Variants in SLC25A48 observed in about 807,000 individuals in gnomAD.
SLC25A48 encodes the protein CTC-321K16.1.
A neutral mutation model predicts 32.2 loss-of-function variants in SLC25A48; 29 were observed. The ratio of observed to expected loss-of-function variants is 0.90; its 90% CI spans 0.67 to 1.23. The LOEUF (loss-of-function observed/expected upper bound fraction) is 1.23. SLC25A48 is among the 50% of genes most tolerant of loss of function. The probability of loss-of-function intolerance (pLI) is 0.00; values close to 1 mark genes in which losing one functional copy is unlikely to be tolerated. For synonymous variants in SLC25A48, 164 were observed against 172.3 expected (o/e 0.95, Z 0.38); for missense variants, 399 against 422.7 (o/e 0.94, Z 0.49).
chr5:135,883,807 A>G (rs1247607813), intron 7 of SLC25A48, among the ~76,000 whole-genome samples: 1 of 152,182 alleles, frequency 6.6e-6, no homozygotes, highest in African/African-American at 2.4e-5. Flanking sequence ...GAACAAAACA[A>G]AACAAAACAC....
chr5:135,838,208 G>C lies in SLC25A48; in HGVS notation c.46+3315G>C, dbSNP rs185336935. Among the ~76,000 whole-genome samples, 282 of 152,326 alleles carry C rather than the reference G, an allele frequency of 1.9e-3. 2 individuals carry two copies. Among genetic ancestry groups the C allele is most frequent in the African/African-American group, 6.5e-3 (271 of 41,560 alleles). On this transcript the variant is annotated intron_variant, in intron 1 of 7. Transcript: ENST00000681962. The stretch of plus-strand genomic sequence containing the variant: ...TAGAGATCTGTGGAACTTTGAACTT[G>C]AGAGAGATGTTTTAGGGTATCTGGT...
chr5:135,734,834 A>AAG (rs891130018), intron 3 of SLC25A48, among the ~76,000 whole-genome samples: 1 of 140,902 alleles, frequency 7.1e-6, no homozygotes, highest in Non-Finnish European at 1.5e-5. Flanking sequence ...AAAAAAAAAA[A>AAG]AAGAAGAAGA....
At chr5:135,806,878 C>T (rs1434132719) in intron 3 of SLC25A48, among the ~76,000 whole-genome samples, 1 of 149,890 alleles carries the variant, frequency 6.7e-6, no homozygotes, top group East Asian at 2.0e-4. Flanking sequence ...AATAATATCA[C>T]AGTGTGTTAA....
At position 135,690,665 on chromosome 5, in the gene SLC25A48, G is replaced by GC. The variant is rs201909150; in HGVS notation, c.-521+55713dup. On this transcript the variant is annotated intron_variant, in intron 3 of 10. Coordinates refer to the SLC25A48 transcript ENST00000646290. ...ACACCTGCTCATTAACAGGCCACCC[G>GC]CCCCTCCCCATGAGAGGTGTCTGGT... is the stretch of plus-strand genomic sequence containing the variant. 6.0e-3 allele frequency among the ~76,000 whole-genome samples: 911 copies of GC among 152,202 alleles called. 10 individuals are homozygous for GC. Among genetic ancestry groups the GC allele is most frequent in the African/African-American group, 0.02 (832 of 41,540 alleles).
Position 135,834,768 on chromosome 5 carries a change from G to C in SLC25A48, c.-80G>C. On this transcript the variant is annotated 5_prime_UTR_variant, in exon 1 of 8. Coordinates refer to ENST00000681962, the MANE Select transcript of SLC25A48 (RefSeq NM_001349336.2). ...GACTCCGACTTCGGTCTTGCGGCGC[G>C]CTCGCGCCCGCGGGCCATGCCCCAC... 2.1e-6 allele frequency: 3 copies of C among 1,440,346 alleles called. No individual in the cohort carries two copies. Among genetic ancestry groups the C allele is most frequent in the Non-Finnish European group, 1.9e-6 (2 of 1,078,722 alleles). 89.2% of individuals were successfully genotyped at this position (1,440,346 alleles called of 1,614,324 possible).
chr5:135,765,327 G>A (rs899988626), intron 3 of SLC25A48, among the ~76,000 whole-genome samples: 3 of 151,076 alleles, frequency 2.0e-5, no homozygotes, highest in Non-Finnish European at 4.4e-5. Flanking sequence ...TATCGTGGGG[G>A]GTGTGATATG....
At chr5:135,869,581 C>G (rs1403487847) in intron 4 of SLC25A48, among the ~76,000 whole-genome samples, 3 of 152,350 alleles carry the variant, frequency 2.0e-5, no homozygotes, top group Non-Finnish European at 4.4e-5. Context: ...AAAACCTTGA[C>G]TCCTGGGTCA....
chr5:135,879,912 T>C, intron 6 of SLC25A48, 56 bp from the exon 7 acceptor site: 1 of 1,521,076 alleles, frequency 6.6e-7, no homozygotes, highest in Non-Finnish European at 8.8e-7. Flanking sequence ...CCCTCCTTGG[T>C]GGCCCTGCAG....
At chr5:135,883,308 C>T in intron 7 of SLC25A48, 2 of 985,508 alleles carry the variant, frequency 2.0e-6, no homozygotes, top group Non-Finnish European at 2.4e-6. Flanking sequence ...TTTGGACCTG[C>T]ACCTGGTAAC....
At chr5:135,661,176 A>G (rs1580764127) in intron 3 of SLC25A48, among the ~76,000 whole-genome samples, 1 of 152,188 alleles carries the variant, frequency 6.6e-6, no homozygotes, top group South Asian at 2.1e-4. Context: ...TAGCTCCCTC[A>G]CCAGCTTCCT....
At chr5:135,693,770 G>A (rs1754201232) in intron 3 of SLC25A48, among the ~76,000 whole-genome samples, 1 of 152,190 alleles carries the variant, frequency 6.6e-6, no homozygotes, top group Non-Finnish European at 1.5e-5. Context: ...GAGGGGGTCT[G>A]AGGGAATAGA....
chr5:135,622,516 G>C (rs954272896), intron 1 of SLC25A48, among the ~76,000 whole-genome samples: 7 of 152,114 alleles, frequency 4.6e-5, no homozygotes, highest in African/African-American at 1.7e-4. Flanking sequence ...GAAGAATCCT[G>C]TCATTAAATG....
chr5:135,770,543 G>A (rs983533359), intron 3 of SLC25A48, among the ~76,000 whole-genome samples: 2 of 151,548 alleles, frequency 1.3e-5, no homozygotes, highest in African/African-American at 4.8e-5. Flanking sequence ...ATCCAGGTGG[G>A]GAGAGAATGA....
intron 1 of SLC25A48, among the ~76,000 whole-genome samples, chr5:135,616,635 G>T (rs1752198168): frequency 6.6e-6 from 1 of 152,166 alleles, no homozygotes; most frequent in Non-Finnish European, 1.5e-5. Context: ...AGACAGAAGG[G>T]ACTTGCCTTG....
intron 3 of SLC25A48, among the ~76,000 whole-genome samples, chr5:135,658,903 C>T (rs931859196): frequency 6.6e-6 from 1 of 152,244 alleles, no homozygotes; most frequent in Non-Finnish European, 1.5e-5. Context: ...CTTGAGGCTG[C>T]ACAGAGCAGC....
At chr5:135,835,622 A>ATCCCTCTT (rs1758437248) in intron 1 of SLC25A48, among the ~76,000 whole-genome samples, 1 of 132,880 alleles carries the variant, frequency 7.5e-6, no homozygotes, top group Admixed American at 8.9e-5. Context: ...CAATTGGTCT[A>ATCCCTCTT]TCCCTCTTTT....
chr5:135,785,148 G>C (rs759449325), intron 3 of SLC25A48, among the ~76,000 whole-genome samples: 8 of 152,144 alleles, frequency 5.3e-5, no homozygotes, highest in Non-Finnish European at 1.2e-4. Context: ...CCCCTTATCA[G>C]ATTGTTCGTA....
At chr5:135,857,018 G>T (rs1485991534) in intron 4 of SLC25A48, among the ~76,000 whole-genome samples, 2 of 152,224 alleles carry the variant, frequency 1.3e-5, no homozygotes, top group African/African-American at 4.8e-5. Flanking sequence ...CTGGCACCTT[G>T]TCCCTGGAAG....
At chr5:135,708,918 T>C (rs985029403) in intron 3 of SLC25A48, among the ~76,000 whole-genome samples, 1 of 152,306 alleles carries the variant, frequency 6.6e-6, no homozygotes, top group Middle Eastern at 3.4e-3. Context: ...CTCCCTTTCC[T>C]TGTAGAATAT....
Sources: gnomAD v4.1 joint callset for allele counts (sites outside exome capture counted in the v4.1 genomes callset) on GRCh38, gnomAD v4.1.1 for gene constraint, MANE v1.5 for transcripts, NCBI Gene and HGNC (gene_info 2026-07-23, HGNC 2026-07-21) for gene names.